MRPS27: variants seen among roughly 807,000 people sequenced by gnomAD.
MRPS27 encodes small ribosomal subunit protein mS27.
A neutral mutation model predicts 48.9 loss-of-function variants in MRPS27; 43 were observed. The observed-to-expected ratio is 0.88, with a 90% CI of 0.69 to 1.13. The LOEUF is 1.13. Ranked by LOEUF, MRPS27 falls within the 50% of genes most tolerant of loss-of-function variation. The probability of loss-of-function intolerance (pLI) is 0.00; values close to 1 mark genes in which losing one functional copy is unlikely to be tolerated. For synonymous variants in MRPS27, 188 were observed against 171.9 expected (o/e 1.09, Z -0.73); for missense variants, 467 against 476.3 (o/e 0.98, Z 0.18).
At chr5:72,238,549 G>A (rs1748266743) in intron 4 of MRPS27, among the ~76,000 whole-genome samples, 1 of 152,192 alleles carries the variant, frequency 6.6e-6, no homozygotes, top group South Asian at 2.1e-4. Flanking sequence ...CTCTGTAGAG[G>A]AGAATCAGCT....
At chr5:72,311,194 G>A (rs1021059287) in intron 2 of MRPS27, among the ~76,000 whole-genome samples, 24 of 152,240 alleles carry the variant, frequency 1.6e-4, no homozygotes, top group African/African-American at 4.3e-4. Context: ...CAAAATTTCC[G>A]AAGTTGGTAA....
intron 7 of MRPS27, among the ~76,000 whole-genome samples, chr5:72,231,950 T>C (rs1274985519): frequency 6.6e-6 from 1 of 152,190 alleles, no homozygotes; most frequent in Admixed American, 6.5e-5. Context: ...TATCAGTTAT[T>C]GCTATTGCTA....
rs533291016 is a variant in MRPS27 at position 72,226,075 on chromosome 5, T to C, written c.819A>G (p.Ile273Met). ...MEKVAASPED[I>M]KLCREALDVL... ...AACATACCGCTTCTCTACACAGCTTTATGTCTTCTGGGGAGGCAGCCACTT... is the reference window on the plus strand; with the variant it reads ...AACATACCGCTTCTCTACACAGCTTCATGTCTTCTGGGGAGGCAGCCACTT... Residue 273 changes from isoleucine to methionine, a missense_variant, in exon 9 of 11, where the codon ATA becomes ATG. Coordinates refer to ENST00000261413, the MANE Select transcript of MRPS27 (RefSeq NM_015084.3). 51 of 1,613,752 alleles carry C rather than the reference T, an allele frequency of 3.2e-5. No homozygotes were observed. In the South Asian group the frequency reaches 5.4e-4, roughly 17 times the overall value.
chr5:72,269,290 C>T (rs1175692427), intron 4 of MRPS27, among the ~76,000 whole-genome samples: 1 of 152,182 alleles, frequency 6.6e-6, no homozygotes, highest in Non-Finnish European at 1.5e-5. Context: ...CACAAAGATG[C>T]CCTAAGGCTA....
At chr5:72,294,997 C>T (rs1200330375) in intron 4 of MRPS27, among the ~76,000 whole-genome samples, 2 of 151,954 alleles carry the variant, frequency 1.3e-5, no homozygotes, top group Non-Finnish European at 2.9e-5. Flanking sequence ...ATCTGAAACA[C>T]TTCTGGTTTC....
chr5:72,223,586 T>C, intron 10 of MRPS27, 97 bp downstream of exon 10: 1 of 1,419,554 alleles, frequency 7.0e-7, no homozygotes, highest in Non-Finnish European at 9.7e-7. Flanking sequence ...AATGCCTCTT[T>C]GTGTGACATT....
chr5:72,307,574 G>T (rs1750306563), intron 2 of MRPS27, among the ~76,000 whole-genome samples: 1 of 152,026 alleles, frequency 6.6e-6, no homozygotes, highest in African/African-American at 2.4e-5. Flanking sequence ...CAGTAATAAA[G>T]ATAAAATAAA....
At chr5:72,298,728 A>AC (rs1179484132) in intron 2 of MRPS27, among the ~76,000 whole-genome samples, 5 of 150,934 alleles carry the variant, frequency 3.3e-5, no homozygotes, top group African/African-American at 7.3e-5. Context: ...AAAAAACAAA[A>AC]AAAAAAAAAA....
chr5:72,308,302 G>A (rs567295688), intron 2 of MRPS27, among the ~76,000 whole-genome samples: 1 of 152,232 alleles, frequency 6.6e-6, no homozygotes, highest in Non-Finnish European at 1.5e-5. Context: ...GCACGGCTCA[G>A]GGGAGACGGC....
At chr5:72,261,267 G>A (rs959641056) in intron 4 of MRPS27, among the ~76,000 whole-genome samples, 1 of 151,958 alleles carries the variant, frequency 6.6e-6, no homozygotes, top group Non-Finnish European at 1.5e-5. Context: ...ATGTATGTAT[G>A]TTGAGACGGA....
chr5:72,282,316 T>A (rs1184004644), intron 4 of MRPS27, among the ~76,000 whole-genome samples: 2 of 152,182 alleles, frequency 1.3e-5, no homozygotes, highest in Non-Finnish European at 2.9e-5. Context: ...TCTACTCAGC[T>A]CTCCCTTAAA....
chr5:72,272,839 G>A (rs577230099), intron 4 of MRPS27, among the ~76,000 whole-genome samples: 208 of 152,294 alleles, frequency 1.4e-3, no homozygotes, highest in African/African-American at 4.7e-3. Flanking sequence ...GCCCTTTACA[G>A]AAAGTTTGTC....
chr5:72,242,706 A>ACACACACACACT (rs1393997554), intron 4 of MRPS27, among the ~76,000 whole-genome samples: 1 of 137,226 alleles, frequency 7.3e-6, no homozygotes, highest in African/African-American at 2.7e-5. Flanking sequence ...ACACACACAC[A>ACACACACACACT]CTCACGGCAC....
chr5:72,313,173 T>A (rs775211778), intron 2 of MRPS27, among the ~76,000 whole-genome samples: 6 of 152,066 alleles, frequency 3.9e-5, no homozygotes, highest in Non-Finnish European at 7.3e-5. Context: ...GCTTGTGCAA[T>A]CACATCATCA....
Position 72,255,314 on chromosome 5 carries a change from G to C in MRPS27, c.282-17186C>G, listed in dbSNP as rs560127885. On this transcript the variant is annotated intron_variant, in intron 4 of 10. Transcript: ENST00000261413. ...AATCCACCCGCCTTGGACTCCCTAA[G>C]TGCTAGGATTACAGGCCTGAGCCAC... is the stretch of plus-strand genomic sequence containing the variant. Among the ~76,000 whole-genome samples, 36 of 152,088 alleles carry C rather than the reference G, an allele frequency of 2.4e-4. No individual in the cohort carries two copies. In the South Asian group the frequency reaches 7.1e-3, roughly 30 times the overall value.
intron 3 of MRPS27, among the ~76,000 whole-genome samples, chr5:72,296,277 T>G (rs1366315330): frequency 6.6e-6 from 1 of 152,046 alleles, no homozygotes; most frequent in African/African-American, 2.4e-5. Flanking sequence ...GTGAATATAA[T>G]GAAAACCTCA....
At chr5:72,276,031 G>GTC (rs202148252) in intron 4 of MRPS27, among the ~76,000 whole-genome samples, 1 of 125,822 alleles carries the variant, frequency 7.9e-6, no homozygotes, top group Non-Finnish European at 1.8e-5. Context: ...GTGTGTGTGT[G>GTC]GGGGGGGTAC....
chr5:72,227,030 G>C (rs1203980350), intron 8 of MRPS27: 1 of 152,266 alleles, frequency 6.6e-6, no homozygotes, highest in Non-Finnish European at 1.5e-5. Context: ...AAGCTTATCA[G>C]GCGACAGCTA....
chr5:72,264,255 T>C (rs992898965), intron 4 of MRPS27, among the ~76,000 whole-genome samples: 1 of 152,196 alleles, frequency 6.6e-6, no homozygotes, highest in Non-Finnish European at 1.5e-5. Context: ...GAAGAATAAC[T>C]GCTTAATGAA....
Sources: allele counts gnomAD v4.1 joint callset (sites outside exome capture counted in the v4.1 genomes callset), GRCh38; gene constraint gnomAD v4.1.1; transcripts MANE v1.5; gene names NCBI Gene and HGNC (gene_info 2026-07-23, HGNC 2026-07-21).